LRIG1: variants seen among roughly 807,000 people sequenced by gnomAD.
LRIG1 encodes the protein leucine rich repeats and immunoglobulin like domains 1.
Under a neutral mutation model 99.2 loss-of-function variants are expected in LRIG1, and 48 were observed. The observed-to-expected ratio is 0.48, with a 90% confidence interval of 0.38 to 0.62. The LOEUF (loss-of-function observed/expected upper bound fraction) is 0.62. Among genes scored for constraint, LRIG1 ranks in the 20% least tolerant of loss-of-function variants. LRIG1 has a pLI of 0.00. For missense variants in LRIG1, 1,646 were observed against 1,434.4 expected (o/e 1.15, Z -2.38); for synonymous variants, 772 against 596.1 (o/e 1.29, Z -4.30).
intron 11 of LRIG1, among the ~76,000 whole-genome samples, chr3:66,397,158 G>C (rs190781514): frequency 5.3e-5 from 8 of 152,310 alleles, no homozygotes; most frequent in Non-Finnish European, 1.0e-4. Flanking sequence ...GAACATCACA[G>C]GGCAAGTGCC....
chr3:66,469,809 C>G (rs13099772), intron 1 of LRIG1, among the ~76,000 whole-genome samples: 1 of 149,902 alleles, frequency 6.7e-6, no homozygotes, highest in African/African-American at 2.5e-5. Flanking sequence ...TGGTTCACGC[C>G]TATAAATCTC....
At chr3:66,441,961 C>T (rs1048829041) in intron 3 of LRIG1, among the ~76,000 whole-genome samples, 29 of 152,136 alleles carry the variant, frequency 1.9e-4, no homozygotes, top group Non-Finnish European at 1.8e-4. Context: ...AGAGGTGACA[C>T]AGTAAGACAG....
At chr3:66,494,614 G>A (rs1208993124) in intron 1 of LRIG1, among the ~76,000 whole-genome samples, 1 of 152,174 alleles carries the variant, frequency 6.6e-6, no homozygotes, top group Non-Finnish European at 1.5e-5. Flanking sequence ...AAAAGACTAT[G>A]CATAAAGTAC....
intron 3 of LRIG1, among the ~76,000 whole-genome samples, chr3:66,421,929 C>T (rs1440595631): frequency 6.6e-6 from 1 of 152,252 alleles, no homozygotes; most frequent in Admixed American, 6.5e-5. Flanking sequence ...CTTCTGCATA[C>T]CTGCAGGCTC....
At chr3:66,424,507 T>C (rs1702917143) in intron 3 of LRIG1, among the ~76,000 whole-genome samples, 1 of 152,202 alleles carries the variant, frequency 6.6e-6, no homozygotes, top group East Asian at 1.9e-4. Flanking sequence ...TGTTTTCAAT[T>C]CCACATGCAA....
chr3:66,450,831 G>C (rs1703882134), intron 3 of LRIG1, among the ~76,000 whole-genome samples: 1 of 152,214 alleles, frequency 6.6e-6, no homozygotes, highest in African/African-American at 2.4e-5. Context: ...AAATCTGGCA[G>C]AGAAAACTGT....
intron 3 of LRIG1, among the ~76,000 whole-genome samples, chr3:66,442,697 C>A (rs1351274009): frequency 1.3e-5 from 2 of 151,812 alleles, no homozygotes; most frequent in Non-Finnish European, 2.9e-5. Context: ...GGATCTTGGG[C>A]TATATTTAAA....
chr3:66,427,747 A>T (rs1703030928), intron 3 of LRIG1, among the ~76,000 whole-genome samples: 2 of 152,260 alleles, frequency 1.3e-5, no homozygotes, highest in South Asian at 4.1e-4. Flanking sequence ...TTTTTACAAA[A>T]TGTAGAGAAA....
chr3:66,401,358 C>T (rs1005740670), intron 9 of LRIG1, among the ~76,000 whole-genome samples: 20 of 152,200 alleles, frequency 1.3e-4, no homozygotes, highest in Non-Finnish European at 2.8e-4. Context: ...TACTCAGATC[C>T]CCCCGCCCAG....
intron 2 of LRIG1, among the ~76,000 whole-genome samples, chr3:66,458,505 C>T (rs1281613650): frequency 6.6e-6 from 1 of 151,922 alleles, no homozygotes; most frequent in Admixed American, 6.6e-5. Flanking sequence ...ACTTCGAGAC[C>T]AGCCTGGCCA....
At chr3:66,494,482 C>T (rs1456752930) in intron 1 of LRIG1, among the ~76,000 whole-genome samples, 2 of 152,072 alleles carry the variant, frequency 1.3e-5, no homozygotes, top group Non-Finnish European at 2.9e-5. Context: ...AGCAAATGCC[C>T]ATTTAGAAGA....
chr3:66,461,128 T>C (rs186891745), intron 2 of LRIG1, among the ~76,000 whole-genome samples: 18 of 152,190 alleles, frequency 1.2e-4, no homozygotes, highest in African/African-American at 4.3e-4. Flanking sequence ...CTGACCAACA[T>C]GGCGGAACAC....
intron 14 of LRIG1, 123 bp downstream of exon 14, chr3:66,383,868 A>G: frequency 7.1e-7 from 1 of 1,399,610 alleles, no homozygotes; most frequent in Non-Finnish European, 9.4e-7. Context: ...AAGCAGCCCC[A>G]AATTTCAAAC....
At position 66,382,358 on chromosome 3, in the gene LRIG1, AGAG is replaced by A; in HGVS notation, c.2529_2531del (p.Ser845del). 3 of 1,614,190 alleles carry A rather than the reference AGAG, an allele frequency of 1.9e-6. No individual in the cohort carries two copies. Among genetic ancestry groups the A allele is most frequent in the Non-Finnish European group, 2.5e-6 (3 of 1,180,016 alleles). ...GTCGGTCAGAAAGGGTCCCCTGAGAAGAGAGGTAGCTTGGAACATCTGGTGGCA... is the reference window on the plus strand; with the variant it reads ...GTCGGTCAGAAAGGGTCCCCTGAGAAAGGTAGCTTGGAACATCTGGTGGCA... On this transcript the variant is annotated inframe_deletion, in exon 16 of 19. Transcript: ENST00000273261.
At chr3:66,416,288 A>C (rs979636908) in intron 4 of LRIG1, among the ~76,000 whole-genome samples, 1 of 151,916 alleles carries the variant, frequency 6.6e-6, no homozygotes, top group African/African-American at 2.4e-5. Context: ...GAAAGAAATC[A>C]CTCTTCTTCT....
At chr3:66,440,020 G>A (rs943745154) in intron 3 of LRIG1, among the ~76,000 whole-genome samples, 1 of 126,202 alleles carries the variant, frequency 7.9e-6, no homozygotes, top group African/African-American at 5.4e-5. Flanking sequence ...GAAAGAAAGA[G>A]GGGGAAAAAA....
At chr3:66,479,740 C>G (rs1198464614) in intron 1 of LRIG1, among the ~76,000 whole-genome samples, 2 of 152,316 alleles carry the variant, frequency 1.3e-5, no homozygotes, top group Admixed American at 6.5e-5. Flanking sequence ...AACCACAACA[C>G]AAGATACCAC....
In LRIG1 at chr3:66,466,212, T is replaced by C. The variant is rs190783411; in HGVS notation, c.219-3703A>G. Among the ~76,000 whole-genome samples the C allele has an allele frequency of 2.0e-5, 3 of 152,230 alleles. No homozygotes were observed. In the East Asian group the frequency reaches 5.8e-4, roughly 29 times the overall value. ...CCACACCTGGCTAAATTTTACTTTT[T>C]TAGTAGACATGGTGGGGGGAGGGTC... is the stretch of plus-strand genomic sequence containing the variant. On this transcript the variant is annotated intron_variant, in intron 1 of 18. Coordinates refer to ENST00000273261, the MANE Select transcript of LRIG1 (RefSeq NM_015541.3).
At chr3:66,441,084 T>A (rs1318207357) in intron 3 of LRIG1, among the ~76,000 whole-genome samples, 1 of 152,078 alleles carries the variant, frequency 6.6e-6, no homozygotes, top group Non-Finnish European at 1.5e-5. Context: ...AAAAAAAGTA[T>A]CAGAGCCCCC....
Sources: gnomAD v4.1 joint callset for allele counts (sites outside exome capture counted in the v4.1 genomes callset) on GRCh38, gnomAD v4.1.1 for gene constraint, MANE v1.5 for transcripts, NCBI Gene and HGNC (gene_info 2026-07-23, HGNC 2026-07-21) for gene names.